SYN2: variants seen among roughly 807,000 people sequenced by gnomAD.
SYN2 encodes the protein synapsin II, also known as synapsin-2.
A neutral mutation model predicts 50.9 loss-of-function variants in SYN2; 19 were observed. That is an observed-to-expected ratio of 0.37 (90% CI 0.26 to 0.55). SYN2 has a LOEUF of 0.55. Among genes scored for constraint, SYN2 ranks in the 20% least tolerant of loss-of-function variants. The pLI, the probability that SYN2 is intolerant of heterozygous loss-of-function variation, is 0.81. For missense variants in SYN2, 587 were observed against 576.4 expected, an observed-to-expected ratio of 1.02 and a Z score of -0.19; for synonymous variants, 255 against 224.9, an observed-to-expected ratio of 1.13 and a Z score of -1.20.
At chr3:12,128,603 T>C (rs1696723147) in intron 1 of SYN2, among the ~76,000 whole-genome samples, 1 of 152,232 alleles carries the variant, frequency 6.6e-6, no homozygotes, top group African/African-American at 2.4e-5. Context: ...ATAAAATGTA[T>C]AAATACTTCA....
At chr3:12,131,723 G>A (rs1321144727) in intron 1 of SYN2, among the ~76,000 whole-genome samples, 2 of 151,748 alleles carry the variant, frequency 1.3e-5, no homozygotes, top group Non-Finnish European at 2.9e-5. Flanking sequence ...CCCCAAAATA[G>A]AGATCTTCAG....
chr3:12,014,663 G>T (rs561816201), intron 1 of SYN2, among the ~76,000 whole-genome samples: 1 of 152,116 alleles, frequency 6.6e-6, no homozygotes, highest in Non-Finnish European at 1.5e-5. Flanking sequence ...TTTTTCCTCA[G>T]TGTGAAACTC....
chr3:12,119,906 T>C (rs1386791884), intron 1 of SYN2, among the ~76,000 whole-genome samples: 1 of 152,180 alleles, frequency 6.6e-6, no homozygotes, highest in Non-Finnish European at 1.5e-5. Flanking sequence ...AAGCTTTCAA[T>C]AGCAACTTAT....
At chr3:12,087,752 C>T (rs907052956) in intron 1 of SYN2, among the ~76,000 whole-genome samples, 5 of 151,956 alleles carry the variant, frequency 3.3e-5, no homozygotes, top group Non-Finnish European at 5.9e-5. Context: ...GGCCCTGTCT[C>T]AGAAAAATCC....
At chr3:12,144,535 C>G (rs1388041776) in intron 3 of SYN2, among the ~76,000 whole-genome samples, 1 of 152,140 alleles carries the variant, frequency 6.6e-6, no homozygotes, top group Non-Finnish European at 1.5e-5. Flanking sequence ...AGCTCCAACT[C>G]GAAAGCCACA....
At chr3:12,067,896 A>G (rs574371945) in intron 1 of SYN2, among the ~76,000 whole-genome samples, 2 of 152,302 alleles carry the variant, frequency 1.3e-5, no homozygotes, top group Admixed American at 1.3e-4. Context: ...CCCTGTCTCT[A>G]CAAAAAGAAA....
intron 7 of SYN2, among the ~76,000 whole-genome samples, chr3:12,164,037 C>T (rs1447367090): frequency 6.6e-6 from 1 of 152,096 alleles, no homozygotes; most frequent in Non-Finnish European, 1.5e-5. Flanking sequence ...TGCACCACTC[C>T]AGCCTGAGTG....
At chr3:12,082,689 T>C (rs913072790) in intron 1 of SYN2, among the ~76,000 whole-genome samples, 6 of 152,212 alleles carry the variant, frequency 3.9e-5, no homozygotes, top group Admixed American at 6.5e-5. Context: ...CTCACTGTTA[T>C]TCAAATCTGG....
At chr3:12,147,609 G>A (rs1008378831) in intron 4 of SYN2, among the ~76,000 whole-genome samples, 2 of 152,082 alleles carry the variant, frequency 1.3e-5, no homozygotes, top group East Asian at 1.9e-4. Flanking sequence ...TAACCCACGT[G>A]CACCCCCGGT....
intron 4 of SYN2, chr3:12,148,460 G>A (rs1029155125): frequency 6.6e-6 from 1 of 152,350 alleles, no homozygotes; most frequent in Non-Finnish European, 1.5e-5. Flanking sequence ...TTTGGGTTGT[G>A]TTTCTCAATA....
chr3:12,144,660 A>G (rs184048221), intron 3 of SYN2, among the ~76,000 whole-genome samples: 2 of 152,342 alleles, frequency 1.3e-5, no homozygotes, highest in African/African-American at 4.8e-5. Flanking sequence ...CCTTAGAAAA[A>G]GGTAGTGCTT....
chr3:12,146,840 C>T (rs1041696082), intron 4 of SYN2, among the ~76,000 whole-genome samples: 2 of 152,182 alleles, frequency 1.3e-5, no homozygotes, highest in Admixed American at 1.3e-4. Flanking sequence ...GGCTCTGCTA[C>T]TTCAGGCTGG....
chr3:12,128,236 C>T (rs779433046), intron 1 of SYN2, among the ~76,000 whole-genome samples: 6 of 152,164 alleles, frequency 3.9e-5, no homozygotes, highest in Admixed American at 1.3e-4. Flanking sequence ...TGAGCTACCA[C>T]GCCCAGCCAA....
At chr3:12,115,361 A>T (rs899749446) in intron 1 of SYN2, among the ~76,000 whole-genome samples, 1 of 152,224 alleles carries the variant, frequency 6.6e-6, no homozygotes, top group Non-Finnish European at 1.5e-5. Context: ...TTTAGAATCT[A>T]GCTCTGTAAG....
intron 10 of SYN2, among the ~76,000 whole-genome samples, chr3:12,174,572 C>A (rs941897541): frequency 6.6e-6 from 1 of 152,170 alleles, no homozygotes; most frequent in Non-Finnish European, 1.5e-5. Flanking sequence ...ACCACCGCCT[C>A]CCGGGTTCAA....
chr3:12,163,241 C>CAAA (rs11404808), intron 7 of SYN2, among the ~76,000 whole-genome samples: 55 of 122,502 alleles, frequency 4.5e-4, no homozygotes, highest in East Asian at 2.0e-3. Flanking sequence ...GACTCTGTCT[C>CAAA]AAAAAAAAAA....
At chr3:12,100,495 CT>C (rs1293633480) in intron 1 of SYN2, among the ~76,000 whole-genome samples, 1 of 152,074 alleles carries the variant, frequency 6.6e-6, no homozygotes, top group Non-Finnish European at 1.5e-5. Flanking sequence ...GATTTACAAA[CT>C]AAGTGTAAGA....
intron 1 of SYN2, chr3:12,071,364 A>G: frequency 3.6e-6 from 2 of 563,298 alleles, no homozygotes; most frequent in East Asian, 9.4e-5. Flanking sequence ...ATGCTTCTAA[A>G]TGGACCGTAA....
At chr3:12,006,223 G>C (rs2618391) in intron 1 of SYN2, among the ~76,000 whole-genome samples, 29,426 of 152,128 alleles carry the variant, frequency 0.19, 5,436 homozygotes, top group African/African-American at 0.49. Context: ...CCTCCTGCTG[G>C]CTGCTAATGT....
Sources: allele counts gnomAD v4.1 joint callset (sites outside exome capture counted in the v4.1 genomes callset), GRCh38; gene constraint gnomAD v4.1.1; transcripts MANE v1.5; gene names NCBI Gene and HGNC (gene_info 2026-07-23, HGNC 2026-07-21).